Variants in CNTN5 observed in about 807,000 individuals in gnomAD.
CNTN5 encodes contactin 5.
Under a neutral mutation model 129.1 loss-of-function variants are expected in CNTN5, and 77 were observed. The observed-to-expected ratio is 0.60, with a 90% CI of 0.50 to 0.72. CNTN5 has a LOEUF of 0.72. Ranked by LOEUF, CNTN5 falls within the 30% of genes least tolerant of loss-of-function variation. The pLI is 0.00. For synonymous variants in CNTN5, 509 were observed against 465.6 expected (o/e 1.09, Z -1.20); for missense variants, 1,478 against 1,328.8 (o/e 1.11, Z -1.75).
At chr11:99,881,829 T>G (rs1948779963) in intron 6 of CNTN5, among the ~76,000 whole-genome samples, 1 of 152,230 alleles carries the variant, frequency 6.6e-6, no homozygotes, top group African/African-American at 2.4e-5. Flanking sequence ...TTCAGCCGAC[T>G]ACTATCTGAG....
chr11:99,199,560 A>C (rs1166358601), intron 1 of CNTN5, among the ~76,000 whole-genome samples: 1 of 152,210 alleles, frequency 6.6e-6, no homozygotes, highest in East Asian at 1.9e-4. Flanking sequence ...GCATGGCTCC[A>C]AGCCATGGAC....
chr11:100,062,130 T>A (rs896927181), intron 10 of CNTN5, among the ~76,000 whole-genome samples: 2 of 152,188 alleles, frequency 1.3e-5, no homozygotes, highest in African/African-American at 2.4e-5. Context: ...AGTATATATA[T>A]AATGGGTAAG....
intron 3 of CNTN5, among the ~76,000 whole-genome samples, chr11:99,736,883 A>G (rs923899751): frequency 6.6e-6 from 1 of 152,182 alleles, no homozygotes; most frequent in Non-Finnish European, 1.5e-5. Context: ...CACAATAAAC[A>G]GATGGATCAG....
intron 13 of CNTN5, among the ~76,000 whole-genome samples, chr11:100,132,487 A>C (rs1195633003): frequency 6.6e-6 from 1 of 152,116 alleles, no homozygotes; most frequent in Non-Finnish European, 1.5e-5. Flanking sequence ...TTGCTTATTT[A>C]AATAATGTCT....
At chr11:99,048,253 T>C (rs1295428068) in intron 1 of CNTN5, among the ~76,000 whole-genome samples, 1 of 152,070 alleles carries the variant, frequency 6.6e-6, no homozygotes, top group Admixed American at 6.6e-5. Flanking sequence ...TGGAGTAACT[T>C]TAAGATCTGC....
intron 9 of CNTN5, among the ~76,000 whole-genome samples, chr11:100,034,429 A>G (rs1268043273): frequency 2.0e-5 from 3 of 152,226 alleles, no homozygotes; most frequent in Non-Finnish European, 4.4e-5. Flanking sequence ...TATCTTAAAC[A>G]TCTACTTAGT....
At chr11:99,681,336 GA>G (rs139640461) in intron 3 of CNTN5, among the ~76,000 whole-genome samples, 5,281 of 129,900 alleles carry the variant, frequency 0.041, 327 homozygotes, top group African/African-American at 0.12. Flanking sequence ...ACACTACTAA[GA>G]ATTTTTTTGT....
chr11:100,257,528 C>T (rs1336351142), intron 17 of CNTN5, among the ~76,000 whole-genome samples: 2 of 152,270 alleles, frequency 1.3e-5, no homozygotes, highest in East Asian at 3.9e-4. Flanking sequence ...ACCGACACCT[C>T]ATAAAGGAGA....
intron 17 of CNTN5, among the ~76,000 whole-genome samples, chr11:100,257,223 A>G (rs1437711978): frequency 6.6e-6 from 1 of 152,142 alleles, no homozygotes; most frequent in African/African-American, 2.4e-5. Flanking sequence ...CTGTAGCCAG[A>G]CTGCCTCTCT....
chr11:100,115,235 G>T (rs1394785476), intron 13 of CNTN5, among the ~76,000 whole-genome samples: 1 of 151,744 alleles, frequency 6.6e-6, no homozygotes. Flanking sequence ...TAGCAAAATG[G>T]CTTTAGTTCC....
intron 20 of CNTN5, among the ~76,000 whole-genome samples, chr11:100,305,960 A>T (rs1263759457): frequency 1.3e-5 from 2 of 151,390 alleles, no homozygotes; most frequent in Non-Finnish European, 3.0e-5. Context: ...AAAAAAAAAA[A>T]AAAATTACAA....
rs569460924 is a variant in CNTN5 at position 99,275,555 on chromosome 11, T to A, written c.-209-49791T>A. 2.6e-5 allele frequency among the ~76,000 whole-genome samples: 4 copies of A among 151,712 alleles called. No individual in the cohort carries two copies. The East Asian group carries it at 5.8e-4, about 22-fold the overall frequency. ...ACTCATTAACTTAAAATAATAACCA[T>A]TTATTATTGTTAATGACTTCACAGG... On this transcript the variant is annotated intron_variant, in intron 1 of 24. Transcript: ENST00000524871.
intron 3 of CNTN5, among the ~76,000 whole-genome samples, chr11:99,727,801 TTG>T (rs1411948271): frequency 2.6e-5 from 4 of 152,172 alleles, no homozygotes; most frequent in Non-Finnish European, 1.5e-5. Flanking sequence ...GTCATATTTA[TTG>T]TGTTTTTGCC....
intron 2 of CNTN5, among the ~76,000 whole-genome samples, chr11:99,365,392 C>T (rs1446154041): frequency 1.3e-5 from 2 of 152,148 alleles, no homozygotes; most frequent in Non-Finnish European, 2.9e-5. Flanking sequence ...AGTGGTATAG[C>T]ACAAGCCTAC....
At chr11:100,195,701 T>C (rs1160425663) in intron 15 of CNTN5, among the ~76,000 whole-genome samples, 1 of 151,920 alleles carries the variant, frequency 6.6e-6, no homozygotes, top group African/African-American at 2.4e-5. Flanking sequence ...TTTTAAAACA[T>C]ATGGAAGCTT....
chr11:99,698,363 C>T (rs1260382095), intron 3 of CNTN5, among the ~76,000 whole-genome samples: 3 of 151,320 alleles, frequency 2.0e-5, no homozygotes, highest in Admixed American at 1.3e-4. Context: ...TCACTAAAAA[C>T]CGTATTCTAA....
chr11:100,110,938 G>A (rs1945638008), intron 13 of CNTN5, among the ~76,000 whole-genome samples: 1 of 151,352 alleles, frequency 6.6e-6, no homozygotes, highest in Non-Finnish European at 1.5e-5. Context: ...AGTCCATTGA[G>A]TATTGAATTA....
chr11:99,829,892 T>G (rs1410896724), intron 4 of CNTN5, among the ~76,000 whole-genome samples: 1 of 152,158 alleles, frequency 6.6e-6, no homozygotes, highest in Non-Finnish European at 1.5e-5. Flanking sequence ...AGGCAAGGAT[T>G]ATTAACCAGA....
At chr11:99,748,852 A>G (rs1944143777) in intron 3 of CNTN5, among the ~76,000 whole-genome samples, 1 of 152,204 alleles carries the variant, frequency 6.6e-6, no homozygotes, top group Admixed American at 6.5e-5. Context: ...ACTGATTCAA[A>G]TGGTAATCTC....
Sources: allele counts gnomAD v4.1 joint callset (sites outside exome capture counted in the v4.1 genomes callset), GRCh38; gene constraint gnomAD v4.1.1; transcripts MANE v1.5; gene names NCBI Gene and HGNC (gene_info 2026-07-23, HGNC 2026-07-21).